Variants in SLC24A2 observed in about 807,000 individuals in gnomAD.
SLC24A2 encodes sodium/potassium/calcium exchanger 2.
A neutral mutation model predicts 62.0 loss-of-function variants in SLC24A2; 36 were observed. The observed-to-expected ratio is 0.58, with a 90% CI of 0.44 to 0.77. SLC24A2 has a LOEUF of 0.77. Ranked by LOEUF, SLC24A2 falls within the 30% of genes least tolerant of loss-of-function variation. SLC24A2 has a pLI of 0.00. For synonymous variants in SLC24A2, 358 were observed against 294.0 expected (o/e 1.22, Z -2.23); for missense variants, 846 against 817.9 (o/e 1.03, Z -0.42).
the SLC24A2 span, among the ~76,000 whole-genome samples, chr9:20,066,016 C>A: frequency 6.6e-6 from 1 of 152,246 alleles, no homozygotes; most frequent in Middle Eastern, 3.4e-3. Flanking sequence ...ATATTATTAA[C>A]AAATGGCTTT....
At chr9:19,517,959 T>TCACACA (rs1209571410) in intron 10 of SLC24A2, among the ~76,000 whole-genome samples, 11,097 of 132,754 alleles carry the variant, frequency 0.084, 545 homozygotes, top group African/African-American at 0.14. Context: ...ACACACACAC[T>TCACACA]CTCACACTTC....
the SLC24A2 span, among the ~76,000 whole-genome samples, chr9:20,266,841 G>A: frequency 4.6e-5 from 7 of 152,236 alleles, no homozygotes; most frequent in East Asian, 1.2e-3. Flanking sequence ...ACTTTGGGAG[G>A]CTGAGGCAGG....
At chr9:19,738,027 G>A (rs969866373) in intron 2 of SLC24A2, among the ~76,000 whole-genome samples, 5 of 152,070 alleles carry the variant, frequency 3.3e-5, no homozygotes, top group Non-Finnish European at 4.4e-5. Flanking sequence ...GCTAATTTAC[G>A]AATAACTTGC....
intron 7 of SLC24A2, among the ~76,000 whole-genome samples, chr9:19,553,507 A>G (rs1265503474): frequency 6.6e-6 from 1 of 152,258 alleles, no homozygotes; most frequent in Non-Finnish European, 1.5e-5. Context: ...GTAAAGCTTT[A>G]GGGCCTTGTA....
the SLC24A2 span, among the ~76,000 whole-genome samples, chr9:19,816,348 T>C: frequency 7.2e-5 from 11 of 152,050 alleles, no homozygotes; most frequent in African/African-American, 2.7e-4. Flanking sequence ...GACCCAGAAG[T>C]GACACGCATT....
chr9:19,710,354 C>G (rs983498469), intron 2 of SLC24A2, among the ~76,000 whole-genome samples: 1 of 152,086 alleles, frequency 6.6e-6, no homozygotes, highest in East Asian at 1.9e-4. Flanking sequence ...AGTGCCATGA[C>G]AAGGAGAGGG....
the SLC24A2 span, among the ~76,000 whole-genome samples, chr9:19,898,412 T>C: frequency 2.0e-5 from 3 of 152,200 alleles, no homozygotes; most frequent in African/African-American, 7.2e-5. Flanking sequence ...CAGTGCAAAC[T>C]GTACTCATCT....
the SLC24A2 span, among the ~76,000 whole-genome samples, chr9:20,111,011 A>G: frequency 6.6e-6 from 1 of 152,202 alleles, no homozygotes; most frequent in African/African-American, 2.4e-5. Context: ...AAGGTGAAAT[A>G]TGGTAGATAT....
the SLC24A2 span, among the ~76,000 whole-genome samples, chr9:19,834,824 A>G: frequency 6.6e-6 from 1 of 152,224 alleles, no homozygotes; most frequent in African/African-American, 2.4e-5. Context: ...GCAGCCAGAG[A>G]GAAAGGTCGG....
At chr9:20,235,092 G>C in the SLC24A2 span, among the ~76,000 whole-genome samples, 1 of 152,334 alleles carries the variant, frequency 6.6e-6, no homozygotes, top group East Asian at 1.9e-4. Flanking sequence ...TGGAAGTTTT[G>C]TCTCAGAGGA....
At chr9:19,948,971 C>G in the SLC24A2 span, among the ~76,000 whole-genome samples, 1 of 151,836 alleles carries the variant, frequency 6.6e-6, no homozygotes, top group African/African-American at 2.4e-5. Flanking sequence ...AATTGGCTCC[C>G]CACCTTCCAT....
the SLC24A2 span, among the ~76,000 whole-genome samples, chr9:19,937,016 T>A: frequency 1.2e-4 from 19 of 152,252 alleles, no homozygotes; most frequent in African/African-American, 3.1e-4. Context: ...GGATTTTTTT[T>A]AAGCAAAAAC....
chr9:19,823,403 A>G, the SLC24A2 span, among the ~76,000 whole-genome samples: 1 of 151,980 alleles, frequency 6.6e-6, no homozygotes, highest in South Asian at 2.1e-4. Flanking sequence ...TAAATATTTC[A>G]GCTTGTGTTT....
intron 8 of SLC24A2, among the ~76,000 whole-genome samples, chr9:19,531,031 C>G (rs1344719554): frequency 6.6e-6 from 1 of 152,130 alleles, no homozygotes; most frequent in Non-Finnish European, 1.5e-5. Context: ...ATACCAGGCT[C>G]TGCTCTGAAT....
At chr9:20,080,208 G>A in the SLC24A2 span, among the ~76,000 whole-genome samples, 54,555 of 151,982 alleles carry the variant, frequency 0.36, 10,020 homozygotes, top group Middle Eastern at 0.5. Flanking sequence ...GAGGCATCAG[G>A]CTACCTGACT....
At chr9:20,266,352 C>T in the SLC24A2 span, among the ~76,000 whole-genome samples, 1 of 152,138 alleles carries the variant, frequency 6.6e-6, no homozygotes, top group Non-Finnish European at 1.5e-5. Flanking sequence ...ACGGCTGATG[C>T]TTAGTGAAAA....
intron 2 of SLC24A2, among the ~76,000 whole-genome samples, chr9:19,636,271 T>TTCTCC (rs1564009329): frequency 3.0e-5 from 1 of 32,908 alleles, no homozygotes; most frequent in Non-Finnish European, 5.9e-5. Context: ...TTTTCTTCTC[T>TTCTCC]TCTTCTCTTC....
At chr9:19,996,063 G>C in the SLC24A2 span, among the ~76,000 whole-genome samples, 2 of 152,236 alleles carry the variant, frequency 1.3e-5, no homozygotes, top group African/African-American at 4.8e-5. Flanking sequence ...AGCTAGAAGA[G>C]TAAAATTAGC....
chr9:19,952,953 T>C, the SLC24A2 span, among the ~76,000 whole-genome samples: 2 of 151,964 alleles, frequency 1.3e-5, no homozygotes, highest in African/African-American at 4.8e-5. Flanking sequence ...CTATTAACAT[T>C]CTCTATTTCT....
Sources: allele counts gnomAD v4.1 joint callset (sites outside exome capture counted in the v4.1 genomes callset), GRCh38; gene constraint gnomAD v4.1.1; transcripts MANE v1.5; gene names NCBI Gene and HGNC (gene_info 2026-07-23, HGNC 2026-07-21).